UACA: variants seen among roughly 807,000 people sequenced by gnomAD.
The protein encoded by UACA is nuclear membrane binding protein.
A neutral mutation model predicts 160.5 loss-of-function variants in UACA; 112 were observed. The observed-to-expected ratio is 0.70, with a 90% CI of 0.60 to 0.82. The LOEUF is 0.82. Ranked by LOEUF, UACA falls within the 40% of genes least tolerant of loss-of-function variation. The pLI is 0.00. For synonymous variants in UACA, 557 were observed against 568.4 expected, an observed-to-expected ratio of 0.98 and a Z score of 0.29; for missense variants, 1,574 against 1,614.6, an observed-to-expected ratio of 0.97 and a Z score of 0.43.
At chr15:70,673,275 AAAAACAAAAC>A (rs1470467010) in intron 13 of UACA, among the ~76,000 whole-genome samples, 1 of 152,106 alleles carries the variant, frequency 6.6e-6, no homozygotes, top group African/African-American at 2.4e-5. Context: ...ATCCTGTCTC[AAAAACAAAAC>A]AAAACAAAAC....
intron 2 of UACA, among the ~76,000 whole-genome samples, chr15:70,695,993 C>G (rs553201712): frequency 4.6e-5 from 7 of 152,064 alleles, no homozygotes; most frequent in African/African-American, 9.7e-5. Context: ...CAGGTAAATA[C>G]AATAGTTGTT....
intron 9 of UACA, 103 bp downstream of exon 9, chr15:70,682,655 C>CTATTCTGA: frequency 1.7e-6 from 1 of 580,300 alleles, no homozygotes; most frequent in African/African-American, 2.0e-5. Flanking sequence ...AGAGATAGAA[C>CTATTCTGA]GCATTTAAAC....
At chr15:70,740,900 G>A (rs955696437) in intron 1 of UACA, among the ~76,000 whole-genome samples, 23 of 151,148 alleles carry the variant, frequency 1.5e-4, no homozygotes, top group Admixed American at 4.0e-4. Flanking sequence ...TTAGCCAGGC[G>A]TCGTGGTGGG....
intron 7 of UACA, among the ~76,000 whole-genome samples, chr15:70,686,479 G>C (rs1296794243): frequency 7.4e-6 from 1 of 134,616 alleles, no homozygotes; most frequent in East Asian, 2.1e-4. Flanking sequence ...GTAGAAGCCA[G>C]GGTTCTTTTT....
chr15:70,694,604 T>C (rs1400217643), intron 3 of UACA, among the ~76,000 whole-genome samples: 1 of 152,156 alleles, frequency 6.6e-6, no homozygotes, highest in African/African-American at 2.4e-5. Context: ...CTTAGAAGAA[T>C]AGCTATTAAA....
intron 7 of UACA, among the ~76,000 whole-genome samples, chr15:70,686,495 T>C (rs1235582798): frequency 1.3e-5 from 2 of 149,964 alleles, no homozygotes; most frequent in Non-Finnish European, 3.0e-5. Context: ...TTTTTTTTTT[T>C]TTTTTTTTTT....
At position 70,678,171 on chromosome 15, in the gene UACA, CCT is replaced by C. The variant is rs1248226204; in HGVS notation, c.925_926del (p.Arg309ValfsTer14). On this transcript the variant is annotated frameshift_variant, in exon 11 of 19. Transcript: ENST00000322954. LOFTEE classifies it high-confidence loss of function. Reference sequence around the variant, plus strand: ...TTTGTTCTTGCTGAATTTTTCTCAACCTCTCTTTCAAATCTTCATTTTCAATC... The same window carrying C: ...TTTGTTCTTGCTGAATTTTTCTCAACCTCTTTCAAATCTTCATTTTCAATC... Reference protein sequence around the residue: ...LEIENEDLKERLRKIQQEQRI... With the variant: ...LEIENEDLKEXLRKIQQEQRI... 2 of 1,611,670 alleles carry C rather than the reference CCT, an allele frequency of 1.2e-6. No individual in the cohort carries two copies. The highest frequency in any genetic ancestry group is 4.5e-5 in the East Asian group (2 of 44,762).
At chr15:70,752,221 G>A (rs937059804) in intron 1 of UACA, among the ~76,000 whole-genome samples, 3 of 132,764 alleles carry the variant, frequency 2.3e-5, no homozygotes, top group East Asian at 2.3e-4. Context: ...CTGGGGCAAC[G>A]AGAGCAAAAC....
At chr15:70,760,821 A>AG (rs2030709405) in intron 1 of UACA, among the ~76,000 whole-genome samples, 1 of 151,734 alleles carries the variant, frequency 6.6e-6, no homozygotes, top group African/African-American at 2.4e-5. Flanking sequence ...AAAAAAAAAA[A>AG]CAGAAAAAGA....
chr15:70,740,441 T>C (rs1899493943), intron 1 of UACA, among the ~76,000 whole-genome samples: 1 of 81,408 alleles, frequency 1.2e-5, no homozygotes, highest in Non-Finnish European at 2.4e-5. Context: ...AAATGAGGCC[T>C]TGTCTCTATT....
chr15:70,664,344 G>A (rs1288667280), intron 17 of UACA, among the ~76,000 whole-genome samples: 1 of 152,156 alleles, frequency 6.6e-6, no homozygotes, highest in Non-Finnish European at 1.5e-5. Context: ...CCAGCTGAAT[G>A]ACCCCAGGCA....
intron 5 of UACA, among the ~76,000 whole-genome samples, chr15:70,688,550 C>T (rs781535078): frequency 6.6e-5 from 10 of 151,990 alleles, no homozygotes; most frequent in Admixed American, 1.3e-4. Context: ...TTTCACTTTT[C>T]GTCTCTAATC....
intron 1 of UACA, among the ~76,000 whole-genome samples, chr15:70,755,050 G>A (rs1015907945): frequency 1.3e-5 from 2 of 152,134 alleles, no homozygotes; most frequent in African/African-American, 4.8e-5. Context: ...CCTTTAGGTG[G>A]CAGGACAAAC....
intron 1 of UACA, among the ~76,000 whole-genome samples, chr15:70,704,453 G>GC (rs1898468282): frequency 6.6e-6 from 1 of 152,052 alleles, no homozygotes; most frequent in African/African-American, 2.4e-5. Context: ...ATCCCACACC[G>GC]CAAGTCTTTC....
At chr15:70,752,158 A>G (rs1282998585) in intron 1 of UACA, among the ~76,000 whole-genome samples, 1 of 150,700 alleles carries the variant, frequency 6.6e-6, no homozygotes, top group East Asian at 2.0e-4. Flanking sequence ...GAATCGCTTG[A>G]ACCCGGGAGG....
At chr15:70,746,015 T>A (rs373303140) in intron 1 of UACA, among the ~76,000 whole-genome samples, 1 of 152,236 alleles carries the variant, frequency 6.6e-6, no homozygotes, top group African/African-American at 2.4e-5. Flanking sequence ...ACGTAAGACC[T>A]AAAACCATAA....
intron 1 of UACA, among the ~76,000 whole-genome samples, chr15:70,746,843 T>C (rs919450535): frequency 6.6e-6 from 1 of 152,122 alleles, no homozygotes; most frequent in South Asian, 2.1e-4. Context: ...GGGACATGGA[T>C]GAAGCTAGAA....
chr15:70,659,110 T>C (rs1896586777), intron 18 of UACA, among the ~76,000 whole-genome samples: 1 of 152,130 alleles, frequency 6.6e-6, no homozygotes, highest in South Asian at 2.1e-4. Flanking sequence ...CTATTCACTG[T>C]CCCTCAATAA....
intron 2 of UACA, among the ~76,000 whole-genome samples, chr15:70,696,048 A>G (rs1898115873): frequency 6.6e-6 from 1 of 152,186 alleles, no homozygotes; most frequent in African/African-American, 2.4e-5. Context: ...TGAGGCCTTA[A>G]GTAAGTGCAA....
Sources: allele counts gnomAD v4.1 joint callset (sites outside exome capture counted in the v4.1 genomes callset), GRCh38; gene constraint gnomAD v4.1.1; transcripts MANE v1.5; gene names NCBI Gene and HGNC (gene_info 2026-07-23, HGNC 2026-07-21).